Variants in FOXJ3 observed in about 807,000 individuals in gnomAD.
FOXJ3 encodes forkhead box protein J3.
In FOXJ3, 22 loss-of-function variants were observed where a neutral mutation model predicts 76.1. That is an observed-to-expected ratio of 0.29 (90% CI 0.21 to 0.41). FOXJ3 has a LOEUF of 0.41. FOXJ3 is among the 10% of genes least tolerant of loss of function. The probability of loss-of-function intolerance (pLI) is 1.00; values close to 1 mark genes in which losing one functional copy is unlikely to be tolerated. For missense variants in FOXJ3, 613 were observed against 762.1 expected, an observed-to-expected ratio of 0.80 and a Z score of 2.30; for synonymous variants, 269 against 261.2, an observed-to-expected ratio of 1.03 and a Z score of -0.29.
chr1:42,184,949 G>A (rs1037510665), intron 11 of FOXJ3, among the ~76,000 whole-genome samples: 2 of 152,080 alleles, frequency 1.3e-5, no homozygotes. Context: ...TGAAGCACAG[G>A]CGTGGAGGGG....
chr1:42,222,089 A>AGAAGAAGAAGAAGAAGAG, intron 5 of FOXJ3, among the ~76,000 whole-genome samples: 1 of 145,906 alleles, frequency 6.9e-6, no homozygotes, highest in African/African-American at 2.6e-5. Flanking sequence ...AAGAAGAAGA[A>AGAAGAAGAAGAAGAAGAG]GAAGAAGAAG....
chr1:42,278,627 T>C lies in FOXJ3; in HGVS notation c.90A>G (p.Leu30=). The C allele has an allele frequency of 6.2e-7, 1 of 1,614,170 alleles. No homozygotes were observed. The highest frequency in any genetic ancestry group is 8.5e-7 in the Non-Finnish European group (1 of 1,180,024). The part of the protein sequence containing the change: ...LESSLTSMDW[L]PQLTMRAAIQ... ...TGGCTGCTCTCATGGTGAGCTGTGG[T>C]AACCAGTCCATAGACGTTAGGCTGC... Residue 30 remains leucine (L), a synonymous_variant, in exon 3 of 13, where the codon TTA becomes TTG. Coordinates refer to ENST00000361346, the MANE Select transcript of FOXJ3 (RefSeq NM_014947.5).
chr1:42,289,567 T>A (rs1307912067), intron 2 of FOXJ3, among the ~76,000 whole-genome samples: 2 of 152,148 alleles, frequency 1.3e-5, no homozygotes, highest in Non-Finnish European at 1.5e-5. Context: ...TTCAATTCAG[T>A]TCTATGCTGT....
At chr1:42,334,205 T>C in intron 1 of FOXJ3, 1 of 739,250 alleles carries the variant, frequency 1.4e-6, no homozygotes. Context: ...GAGCAGCTAA[T>C]GGAAGAGGAA....
chr1:42,250,254 TA>T (rs762371197), intron 4 of FOXJ3, among the ~76,000 whole-genome samples: 33 of 152,178 alleles, frequency 2.2e-4, no homozygotes, highest in Non-Finnish European at 3.8e-4. Context: ...TGTTTTCGTA[TA>T]AAAACCAGGA....
At chr1:42,260,575 G>A (rs543153360) in intron 4 of FOXJ3, among the ~76,000 whole-genome samples, 2 of 152,248 alleles carry the variant, frequency 1.3e-5, no homozygotes, top group South Asian at 2.1e-4. Flanking sequence ...ATGGTGGCAT[G>A]TGCTGTCATC....
At chr1:42,271,672 C>A (rs1381460452) in intron 3 of FOXJ3, among the ~76,000 whole-genome samples, 2 of 152,056 alleles carry the variant, frequency 1.3e-5, no homozygotes, top group Non-Finnish European at 2.9e-5. Context: ...CTTTTGGAGA[C>A]AGGGTCTCGC....
At position 42,231,005 on chromosome 1, in the gene FOXJ3, A is replaced by G. The variant is rs371586199; in HGVS notation, c.445-3039T>C. The stretch of plus-strand genomic sequence containing the variant: ...TGCCACATACATACAATGGAGTATT[A>G]CTCAACCTTAAAAAGGAGGGATATT... On this transcript the variant is annotated intron_variant, in intron 4 of 12. Coordinates refer to ENST00000361346, the MANE Select transcript of FOXJ3 (RefSeq NM_014947.5). 5.9e-5 allele frequency among the ~76,000 whole-genome samples: 9 copies of G among 152,120 alleles called. No individual in the cohort carries two copies. In the East Asian group the frequency reaches 1.7e-3, roughly 29 times the overall value.
intron 4 of FOXJ3, among the ~76,000 whole-genome samples, chr1:42,256,929 T>C (rs1650638328): frequency 6.6e-6 from 1 of 152,178 alleles, no homozygotes; most frequent in Non-Finnish European, 1.5e-5. Flanking sequence ...TTATAGACAT[T>C]ATGCTGAGTG....
chr1:42,333,950 T>C (rs1017149255), intron 1 of FOXJ3, among the ~76,000 whole-genome samples: 3 of 152,084 alleles, frequency 2.0e-5, no homozygotes, highest in African/African-American at 4.8e-5. Context: ...CACAAATAAA[T>C]CTCAGAAAAA....
At chr1:42,312,763 G>C (rs1462010016) in intron 1 of FOXJ3, among the ~76,000 whole-genome samples, 22 of 152,162 alleles carry the variant, frequency 1.4e-4, no homozygotes, top group Admixed American at 7.2e-4. Context: ...AGACCTTGTG[G>C]GACACAATGT....
intron 2 of FOXJ3, among the ~76,000 whole-genome samples, chr1:42,286,959 G>C (rs1653095388): frequency 6.6e-6 from 1 of 151,988 alleles, no homozygotes; most frequent in African/African-American, 2.4e-5. Context: ...TTATTTTGGA[G>C]ACCAACAATA....
Position 42,199,165 on chromosome 1 carries a change from G to A in FOXJ3, c.696C>T (p.Leu232=). 1 of 1,613,072 alleles carries A rather than the reference G, an allele frequency of 6.2e-7. No individual in the cohort carries two copies. The highest frequency in any genetic ancestry group is 8.5e-7 in the Non-Finnish European group (1 of 1,179,062). Residue 232 remains leucine (L), a synonymous_variant, in exon 7 of 13, where the codon CTC becomes CTT. Coordinates refer to ENST00000361346, the MANE Select transcript of FOXJ3 (RefSeq NM_014947.5). The part of the protein sequence containing the change: ...DSPRSSLNNS[L]SDQSLASVNL... Reference sequence around the variant, plus strand: ...TAACAGATGCCAAACTCTGGTCTGAGAGACTGTTGTTAAGGCTACTGCGTG... The same window carrying A: ...TAACAGATGCCAAACTCTGGTCTGAAAGACTGTTGTTAAGGCTACTGCGTG...
intron 2 of FOXJ3, among the ~76,000 whole-genome samples, chr1:42,305,113 A>G (rs1399285077): frequency 6.8e-6 from 1 of 147,278 alleles, no homozygotes; most frequent in African/African-American, 2.7e-5. Flanking sequence ...CAAAAGACAT[A>G]CAAATGGCAA....
chr1:42,234,028 C>G (rs934748525), intron 4 of FOXJ3, among the ~76,000 whole-genome samples: 2 of 152,172 alleles, frequency 1.3e-5, no homozygotes, highest in Non-Finnish European at 2.9e-5. Context: ...TTGTCACAGG[C>G]CTTTTCTGCA....
At chr1:42,206,103 C>A in intron 5 of FOXJ3, 1 of 401,950 alleles carries the variant, frequency 2.5e-6, no homozygotes, top group African/African-American at 2.1e-5. Context: ...GATAGGCTGA[C>A]AAAAATTACA....
chr1:42,205,173 T>G (rs1034894394), intron 6 of FOXJ3, among the ~76,000 whole-genome samples: 19 of 152,078 alleles, frequency 1.2e-4, no homozygotes, highest in Admixed American at 1.3e-4. Context: ...AGATGTAAGA[T>G]TAAGAAACTG....
At chr1:42,210,097 G>A (rs566390726) in intron 5 of FOXJ3, among the ~76,000 whole-genome samples, 3 of 152,190 alleles carry the variant, frequency 2.0e-5, no homozygotes, top group African/African-American at 7.2e-5. Flanking sequence ...TGCCAAGTCC[G>A]TGGGAGCTGA....
intron 5 of FOXJ3, 83 bp downstream of exon 5, chr1:42,227,800 G>T: frequency 3.0e-6 from 2 of 671,484 alleles, no homozygotes; most frequent in Non-Finnish European, 5.0e-6. Flanking sequence ...AGTTACATGT[G>T]CTAGACTGGA....
Sources: gnomAD v4.1 joint callset for allele counts (sites outside exome capture counted in the v4.1 genomes callset) on GRCh38, gnomAD v4.1.1 for gene constraint, MANE v1.5 for transcripts, NCBI Gene and HGNC (gene_info 2026-07-23, HGNC 2026-07-21) for gene names.